Variants in ADK observed in about 807,000 individuals in gnomAD.
ADK encodes adenosine kinase, also known as N6,N6-dimethyladenosine kinase.
ADK carries 24 observed loss-of-function variants against 44.7 expected under a neutral mutation model. The ratio of observed to expected loss-of-function variants is 0.54; its 90% CI spans 0.39 to 0.76. ADK has a LOEUF of 0.76. ADK is among the 30% of genes least tolerant of loss of function. The probability of loss-of-function intolerance (pLI) is 0.00; values close to 1 mark genes in which losing one functional copy is unlikely to be tolerated. For missense variants in ADK, 321 were observed against 425.1 expected (o/e 0.76, Z 2.15); for synonymous variants, 128 against 142.6 (o/e 0.90, Z 0.73).
intron 6 of ADK, among the ~76,000 whole-genome samples, chr10:74,442,386 C>A (rs1156345433): frequency 6.6e-6 from 1 of 152,164 alleles, no homozygotes; most frequent in Non-Finnish European, 1.5e-5. Context: ...TGGCTCATGC[C>A]CGTAATCCCA....
chr10:74,254,501 G>T (rs1389654885), intron 3 of ADK, among the ~76,000 whole-genome samples: 1 of 151,660 alleles, frequency 6.6e-6, no homozygotes, highest in Non-Finnish European at 1.5e-5. Context: ...CTTCTAAAAA[G>T]AAAATTATGT....
intron 3 of ADK, among the ~76,000 whole-genome samples, chr10:74,236,405 GATAATT>G (rs1844960493): frequency 6.6e-6 from 1 of 152,148 alleles, no homozygotes; most frequent in African/African-American, 2.4e-5. Context: ...ATTTTGTGTG[GATAATT>G]ATCTTTGAAG....
intron 6 of ADK, among the ~76,000 whole-genome samples, chr10:74,507,628 AC>A (rs1848136025): frequency 6.6e-6 from 1 of 152,114 alleles, no homozygotes; most frequent in African/African-American, 2.4e-5. Context: ...AAACAAAAAA[AC>A]AAATTTGAAA....
At position 74,504,400 on chromosome 10, in the gene ADK, C is replaced by T. The variant is rs1247030961; in HGVS notation, c.556-20856C>T. ...ACAGTGCCGGGGGTTAGAGGCACTC[C>T]CCTCCCCCGGGTAGTTGAAAATCCA... On this transcript the variant is annotated intron_variant, in intron 6 of 10. Transcript: ENST00000539909. Among the ~76,000 whole-genome samples the T allele has an allele frequency of 3.9e-5, 6 of 152,016 alleles. No individual in the cohort carries two copies. In the East Asian group the frequency reaches 1.2e-3, roughly 29 times the overall value.
intron 4 of ADK, among the ~76,000 whole-genome samples, chr10:74,315,359 ACCGG>A (rs1840581501): frequency 1.3e-5 from 2 of 152,156 alleles, no homozygotes; most frequent in Admixed American, 1.3e-4. Flanking sequence ...ATATATCTAT[ACCGG>A]TGTATATCTT....
At chr10:74,624,308 A>G (rs1853105948) in intron 9 of ADK, among the ~76,000 whole-genome samples, 1 of 151,970 alleles carries the variant, frequency 6.6e-6, no homozygotes, top group East Asian at 1.9e-4. Flanking sequence ...CTTGGCCCAG[A>G]AAATTTGTTT....
intron 4 of ADK, among the ~76,000 whole-genome samples, chr10:74,315,888 T>A (rs1333760923): frequency 6.6e-6 from 1 of 152,188 alleles, no homozygotes; most frequent in Non-Finnish European, 1.5e-5. Context: ...TGATTTGTAT[T>A]GTTTTTGGTA....
intron 7 of ADK, among the ~76,000 whole-genome samples, chr10:74,539,504 A>G (rs1849557249): frequency 1.3e-5 from 2 of 152,162 alleles, no homozygotes. Flanking sequence ...CCTTTAAAGT[A>G]TACAGAAGTG....
rs911617033 is a variant in ADK, at chr10:74,236,722, A to G, written c.194+12131A>G. Among the ~76,000 whole-genome samples, 3 of 152,222 alleles carry G rather than the reference A, an allele frequency of 2.0e-5. No individual in the cohort carries two copies. In the South Asian group the frequency reaches 6.2e-4, roughly 31 times the overall value. On this transcript the variant is annotated intron_variant, in intron 3 of 10. Coordinates refer to ENST00000539909, the MANE Select transcript of ADK (RefSeq NM_006721.4). Reference sequence around the variant, plus strand: ...ATCACAATAAAGTGAATATCACAATAAAGAGAAATACATGAAGATTATATT... The same window carrying G: ...ATCACAATAAAGTGAATATCACAATGAAGAGAAATACATGAAGATTATATT...
At position 74,507,015 on chromosome 10, in the gene ADK, TGTA is replaced by T. The variant is rs879794981; in HGVS notation, c.556-18238_556-18236del. 3.2e-4 allele frequency among the ~76,000 whole-genome samples: 49 copies of T among 152,346 alleles called. No individual in the cohort carries two copies. In the Middle Eastern group the frequency reaches 0.014, roughly 42 times the overall value. ...CAAGTTGTACAAGGGTCAACTGTAT[TGTA>T]GTTATTTTTTAATGAGATTTTAAAA... On this transcript the variant is annotated intron_variant, in intron 6 of 10. Transcript: ENST00000539909.
chr10:74,279,019 G>A (rs919845705), intron 3 of ADK, among the ~76,000 whole-genome samples: 6 of 152,138 alleles, frequency 3.9e-5, no homozygotes, highest in South Asian at 4.1e-4. Flanking sequence ...GGTGGCTCAC[G>A]CCTGTAATCC....
intron 1 of ADK, among the ~76,000 whole-genome samples, chr10:74,179,883 C>A (rs964168811): frequency 4.6e-5 from 7 of 152,102 alleles, no homozygotes; most frequent in Admixed American, 4.6e-4. Context: ...TGTCTAAGAA[C>A]CCTCTTGGGG....
chr10:74,380,795 T>C (rs1396709992), intron 4 of ADK, among the ~76,000 whole-genome samples: 1 of 152,190 alleles, frequency 6.6e-6, no homozygotes, highest in Non-Finnish European at 1.5e-5. Context: ...TATTAGCTTC[T>C]AGGCAAAATC....
At chr10:74,525,784 A>G (rs538355141) in intron 7 of ADK, among the ~76,000 whole-genome samples, 1 of 152,082 alleles carries the variant, frequency 6.6e-6, no homozygotes, top group South Asian at 2.1e-4. Context: ...CCTCCTAAGT[A>G]GCTGGGGTTA....
At chr10:74,224,666 T>C (rs1844461590) in intron 3 of ADK, 75 bp downstream of exon 3, 2 of 1,223,450 alleles carry the variant, frequency 1.6e-6, no homozygotes, top group African/African-American at 1.5e-5. Context: ...GTAAATTATC[T>C]GATTTTCAAA....
chr10:74,553,192 T>G (rs1008033227), intron 7 of ADK, among the ~76,000 whole-genome samples: 21 of 68,592 alleles, frequency 3.1e-4, no homozygotes, highest in East Asian at 3.7e-4. Context: ...CACATTGTGT[T>G]TTTTTTTTTT....
In ADK at chr10:74,434,022, G is replaced by A. The variant is rs531212051; in HGVS notation, c.555+35443G>A. On this transcript the variant is annotated intron_variant, in intron 6 of 10. Transcript: ENST00000539909. ...CCTTGGAAATGAATATTTGTGTGTG[G>A]TGAAGTAAAATGAGGTAGAGGTTAC... Among the ~76,000 whole-genome samples the A allele has an allele frequency of 6.6e-5, 10 of 152,252 alleles. No individual in the cohort carries two copies. The South Asian group carries it at 1.2e-3, about 19-fold the overall frequency.
At chr10:74,595,820 A>G (rs12250504) in intron 8 of ADK, among the ~76,000 whole-genome samples, 143,912 of 144,160 alleles carry the variant, frequency 1, 71,832 homozygotes, top group Middle Eastern at 1. Context: ...AACATGGTGA[A>G]ACCCCGTCTC....
chr10:74,176,765 T>G, intron 1 of ADK: 1 of 1,564,206 alleles, frequency 6.4e-7, no homozygotes, highest in Non-Finnish European at 8.6e-7. Context: ...GCGCTCCCAG[T>G]CGCTGAGTGC....
Sources: allele counts gnomAD v4.1 joint callset (sites outside exome capture counted in the v4.1 genomes callset), GRCh38; gene constraint gnomAD v4.1.1; transcripts MANE v1.5; gene names NCBI Gene and HGNC (gene_info 2026-07-23, HGNC 2026-07-21).